Variants in MSH4 observed in about 807,000 individuals in gnomAD.
MSH4 encodes the protein mutS homolog 4.
MSH4 carries 106 observed loss-of-function variants against 113.7 expected under a neutral mutation model. That is an observed-to-expected ratio of 0.93 (90% CI 0.80 to 1.10). The LOEUF is 1.10. Ranked by LOEUF, MSH4 falls within the 50% of genes least tolerant of loss-of-function variation. The probability of loss-of-function intolerance (pLI) is 0.00; values close to 1 mark genes in which losing one functional copy is unlikely to be tolerated. For synonymous variants in MSH4, 368 were observed against 380.2 expected, an observed-to-expected ratio of 0.97 and a Z score of 0.37; for missense variants, 1,061 against 1,093.7, an observed-to-expected ratio of 0.97 and a Z score of 0.42.
chr1:75,821,370 A>G (rs1376050783), intron 6 of MSH4, among the ~76,000 whole-genome samples: 1 of 152,054 alleles, frequency 6.6e-6, no homozygotes, highest in East Asian at 1.9e-4. Flanking sequence ...GAACAAAGAC[A>G]CAACATACCA....
chr1:75,906,946 G>T (rs1455224041), intron 19 of MSH4, among the ~76,000 whole-genome samples: 4 of 151,032 alleles, frequency 2.6e-5, no homozygotes. Flanking sequence ...CCATTCTCCT[G>T]CCTCAGCCTC....
chr1:75,807,688 C>T (rs1057354924), intron 3 of MSH4, among the ~76,000 whole-genome samples: 2 of 152,056 alleles, frequency 1.3e-5, no homozygotes, highest in African/African-American at 2.4e-5. Flanking sequence ...CATAGGGGTG[C>T]CAAATTGGCA....
At chr1:75,900,327 G>A (rs575602674) in intron 19 of MSH4, among the ~76,000 whole-genome samples, 2 of 152,102 alleles carry the variant, frequency 1.3e-5, no homozygotes, top group East Asian at 3.9e-4. Context: ...TTAAGATGGA[G>A]TTTTGCTCTT....
intron 7 of MSH4, among the ~76,000 whole-genome samples, chr1:75,830,748 C>T (rs944852087): frequency 9.2e-5 from 14 of 152,238 alleles, no homozygotes; most frequent in African/African-American, 2.6e-4. Flanking sequence ...CTGAGAGATT[C>T]TGTCACCACC....
chr1:75,871,938 T>G (rs1651719382), intron 9 of MSH4, among the ~76,000 whole-genome samples: 1 of 152,244 alleles, frequency 6.6e-6, no homozygotes, highest in South Asian at 2.1e-4. Context: ...ATATGTATGA[T>G]ATAGTATCAG....
chr1:75,811,124 G>A lies in MSH4; in HGVS notation c.699+317G>A, dbSNP rs5745357. 2.8e-3 allele frequency among the ~76,000 whole-genome samples: 422 copies of A among 152,024 alleles called. 2 individuals carry two copies. Among genetic ancestry groups the A allele is most frequent in the South Asian group, 0.013 (63 of 4,806 alleles). On this transcript the variant is annotated intron_variant, in intron 4 of 19. Transcript: ENST00000263187. Reference sequence around the variant, plus strand: ...TGACCTCAAGTGATCGATCTGCCTTGGCCTCCCAAAGTGCTGGGATTACAG... The same window carrying A: ...TGACCTCAAGTGATCGATCTGCCTTAGCCTCCCAAAGTGCTGGGATTACAG...
intron 15 of MSH4, 99 bp downstream of exon 15, chr1:75,883,920 C>G (rs1413524530): frequency 2.3e-6 from 2 of 877,246 alleles, no homozygotes; most frequent in Non-Finnish European, 3.6e-6. Flanking sequence ...AACCCAAGAA[C>G]AGTTTGGAGC....
At chr1:75,831,465 C>G (rs190350359) in intron 7 of MSH4, among the ~76,000 whole-genome samples, 1 of 152,170 alleles carries the variant, frequency 6.6e-6, no homozygotes, top group Non-Finnish European at 1.5e-5. Flanking sequence ...CTCTCCACCC[C>G]AAAGCAGCAG....
At position 75,894,851 on chromosome 1, in the gene MSH4, A is replaced by G. The variant is rs139337852; in HGVS notation, c.2356-3056A>G. Among the ~76,000 whole-genome samples, 41 of 152,286 alleles carry G rather than the reference A, an allele frequency of 2.7e-4. 1 individual carries two copies. Among genetic ancestry groups the G allele is most frequent in the African/African-American group, 9.6e-4 (40 of 41,578 alleles). On this transcript the variant is annotated intron_variant, in intron 17 of 19. Coordinates refer to ENST00000263187, the MANE Select transcript of MSH4 (RefSeq NM_002440.4). ...CAATTACAACACCAGCTAAGTGGCAATACCTTTCAGGACTAGGGAAAGGTT... is the reference window on the plus strand; with the variant it reads ...CAATTACAACACCAGCTAAGTGGCAGTACCTTTCAGGACTAGGGAAAGGTT...
chr1:75,819,306 G>A (rs1008146413), intron 6 of MSH4, among the ~76,000 whole-genome samples: 2 of 151,938 alleles, frequency 1.3e-5, no homozygotes, highest in African/African-American at 4.8e-5. Context: ...CAGCCTGGTC[G>A]CCATGGTGAA....
intron 8 of MSH4, among the ~76,000 whole-genome samples, chr1:75,853,963 G>A (rs1015364180): frequency 7.2e-6 from 1 of 139,596 alleles, no homozygotes; most frequent in African/African-American, 2.6e-5. Context: ...TTGCTATTGG[G>A]GTATCACCAT....
intron 7 of MSH4, among the ~76,000 whole-genome samples, chr1:75,837,685 G>T (rs2100536765): frequency 6.6e-6 from 1 of 152,236 alleles, no homozygotes; most frequent in East Asian, 1.9e-4. Flanking sequence ...ACTGTGCCCG[G>T]CCGCCATCTT....
intron 4 of MSH4, among the ~76,000 whole-genome samples, chr1:75,814,363 G>A (rs896343375): frequency 5.3e-5 from 8 of 151,758 alleles, no homozygotes; most frequent in Non-Finnish European, 1.0e-4. Flanking sequence ...TACTCAGGAG[G>A]ATGAAGCAAG....
intron 6 of MSH4, among the ~76,000 whole-genome samples, chr1:75,821,088 T>A (rs1407518473): frequency 1.3e-5 from 2 of 151,500 alleles, no homozygotes; most frequent in African/African-American, 2.4e-5. Context: ...CCACCCCAAA[T>A]CAACAGAATA....
At chr1:75,862,502 A>G (rs1651480151) in intron 8 of MSH4, among the ~76,000 whole-genome samples, 1 of 152,192 alleles carries the variant, frequency 6.6e-6, no homozygotes, top group South Asian at 2.1e-4. Context: ...TTTTCTCACC[A>G]TTGTGTTTCT....
At chr1:75,887,061 T>A (rs1243071724) in intron 15 of MSH4, among the ~76,000 whole-genome samples, 3 of 151,792 alleles carry the variant, frequency 2.0e-5, no homozygotes, top group African/African-American at 7.3e-5. Flanking sequence ...CCAGTATAAA[T>A]CCTTTACCTT....
chr1:75,826,447 T>C (rs972313486), intron 7 of MSH4, among the ~76,000 whole-genome samples: 6 of 152,226 alleles, frequency 3.9e-5, no homozygotes, highest in African/African-American at 1.4e-4. Flanking sequence ...GGGTTTTTCA[T>C]GTCTCTGTCT....
At chr1:75,883,567 T>G in intron 14 of MSH4, 54 bp from the exon 15 acceptor site, 2 of 1,421,656 alleles carry the variant, frequency 1.4e-6, no homozygotes, top group Non-Finnish European at 1.9e-6. Context: ...CACTACAAAA[T>G]CTTTAGACAC....
At chr1:75,825,111 C>T (rs559222956) in intron 7 of MSH4, among the ~76,000 whole-genome samples, 13 of 152,078 alleles carry the variant, frequency 8.5e-5, no homozygotes, top group African/African-American at 3.1e-4. Flanking sequence ...GAATGTTTTT[C>T]CATTTGTTTG....
Sources: allele counts gnomAD v4.1 joint callset (sites outside exome capture counted in the v4.1 genomes callset), GRCh38; gene constraint gnomAD v4.1.1; transcripts MANE v1.5; gene names NCBI Gene and HGNC (gene_info 2026-07-23, HGNC 2026-07-21).